TMEM117: variants seen among roughly 807,000 people sequenced by gnomAD.
TMEM117 encodes the protein transmembrane protein 117.
A neutral mutation model predicts 52.4 loss-of-function variants in TMEM117; 27 were observed. The ratio of observed to expected loss-of-function variants is 0.51; its 90% CI spans 0.38 to 0.71. TMEM117 has a LOEUF of 0.71. TMEM117 is among the 30% of genes least tolerant of loss of function. The probability of loss-of-function intolerance (pLI) is 0.00; values close to 1 mark genes in which losing one functional copy is unlikely to be tolerated. For missense variants in TMEM117, 556 were observed against 630.5 expected, an observed-to-expected ratio of 0.88 and a Z score of 1.26; for synonymous variants, 215 against 206.3, an observed-to-expected ratio of 1.04 and a Z score of -0.36.
intron 3 of TMEM117, among the ~76,000 whole-genome samples, chr12:43,952,668 T>C (rs1420850480): frequency 1.3e-5 from 2 of 152,124 alleles, no homozygotes; most frequent in Admixed American, 1.3e-4. Context: ...TTACAACTGA[T>C]TGAAGTACCT....
chr12:44,042,680 C>T (rs891978239), intron 3 of TMEM117, among the ~76,000 whole-genome samples: 3 of 151,854 alleles, frequency 2.0e-5, no homozygotes, highest in Non-Finnish European at 4.4e-5. Context: ...TTTTGGGACT[C>T]GGACTGGCTC....
At chr12:43,870,982 AC>A (rs1432402461) in intron 2 of TMEM117, among the ~76,000 whole-genome samples, 2 of 151,604 alleles carry the variant, frequency 1.3e-5, no homozygotes, top group African/African-American at 2.4e-5. Context: ...ACAGGGTTTC[AC>A]CATGTTGGCC....
chr12:44,362,780 G>A (rs1377356280), intron 6 of TMEM117, among the ~76,000 whole-genome samples: 1 of 151,790 alleles, frequency 6.6e-6, no homozygotes, highest in Non-Finnish European at 1.5e-5. Flanking sequence ...ACAACTGTGG[G>A]CAAACATCTC....
intron 2 of TMEM117, among the ~76,000 whole-genome samples, chr12:43,902,632 G>A (rs1430478259): frequency 6.6e-6 from 1 of 151,992 alleles, no homozygotes; most frequent in African/African-American, 2.4e-5. Flanking sequence ...GACAGACCAT[G>A]GTAGTATCAC....
chr12:44,152,594 A>G (rs1315691081), intron 4 of TMEM117, among the ~76,000 whole-genome samples: 4 of 123,032 alleles, frequency 3.3e-5, no homozygotes, highest in African/African-American at 9.9e-5. Flanking sequence ...TAATATTTAT[A>G]TCATATATAA....
At chr12:44,043,828 A>C (rs1397364973) in intron 3 of TMEM117, among the ~76,000 whole-genome samples, 1 of 152,122 alleles carries the variant, frequency 6.6e-6, no homozygotes, top group African/African-American at 2.4e-5. Flanking sequence ...CAGGCATGGG[A>C]ATGGATATTA....
intron 4 of TMEM117, among the ~76,000 whole-genome samples, chr12:44,170,709 G>A (rs996394556): frequency 1.3e-5 from 2 of 152,096 alleles, no homozygotes; most frequent in Non-Finnish European, 2.9e-5. Flanking sequence ...ATAGATCAAT[G>A]TTCTCTTTTC....
chr12:43,845,705 A>G (rs1350757798), intron 2 of TMEM117, among the ~76,000 whole-genome samples: 2 of 142,396 alleles, frequency 1.4e-5, no homozygotes, highest in East Asian at 4.4e-4. Context: ...CCCCAACCCC[A>G]TGACAGGGCC....
chr12:43,804,154 AT>A, the TMEM117 span: 23,927 of 314,002 alleles, frequency 0.076, no homozygotes, highest in South Asian at 0.13. Flanking sequence ...ACAAGTAACT[AT>A]TTTTTTTTTT....
chr12:43,940,835 C>A (rs1486440035), intron 2 of TMEM117, among the ~76,000 whole-genome samples: 1 of 152,202 alleles, frequency 6.6e-6, no homozygotes, highest in African/African-American at 2.4e-5. Flanking sequence ...TGAGCCACTG[C>A]ACCTGGCCCA....
At chr12:44,008,600 G>T in intron 3 of TMEM117, 1 of 198,206 alleles carries the variant, frequency 5.0e-6, no homozygotes. Flanking sequence ...CTTCTAAGGT[G>T]AAGCTCTATG....
intron 3 of TMEM117, among the ~76,000 whole-genome samples, chr12:44,039,733 T>G (rs1270966105): frequency 6.6e-6 from 1 of 152,074 alleles, no homozygotes; most frequent in East Asian, 1.9e-4. Context: ...GCTTTTTCCT[T>G]CTCAATGAAA....
chr12:43,942,176 C>G (rs1945054222), intron 2 of TMEM117, among the ~76,000 whole-genome samples: 1 of 152,172 alleles, frequency 6.6e-6, no homozygotes, highest in Non-Finnish European at 1.5e-5. Context: ...CCATTAAATA[C>G]TCAGATGATA....
At chr12:44,082,178 T>C (rs1947491800) in intron 3 of TMEM117, among the ~76,000 whole-genome samples, 1 of 152,058 alleles carries the variant, frequency 6.6e-6, no homozygotes, top group South Asian at 2.1e-4. Flanking sequence ...AAAATCAAAA[T>C]TGTACCCATG....
At chr12:44,103,272 C>A (rs1947895098) in intron 3 of TMEM117, among the ~76,000 whole-genome samples, 1 of 149,984 alleles carries the variant, frequency 6.7e-6, no homozygotes, top group Non-Finnish European at 1.5e-5. Flanking sequence ...TTATGGACAA[C>A]ATATTTTTGC....
intron 3 of TMEM117, among the ~76,000 whole-genome samples, chr12:44,022,559 C>T (rs1946471779): frequency 6.6e-6 from 1 of 152,006 alleles, no homozygotes; most frequent in Non-Finnish European, 1.5e-5. Context: ...AAATGAAGTA[C>T]AAGTGTCATC....
intron 5 of TMEM117, among the ~76,000 whole-genome samples, chr12:44,258,696 A>C (rs1950288007): frequency 6.6e-6 from 1 of 152,170 alleles, no homozygotes; most frequent in South Asian, 2.1e-4. Flanking sequence ...GGTTTCTTTT[A>C]AGTCATCTCA....
chr12:44,104,786 T>G (rs1428903880), intron 3 of TMEM117, among the ~76,000 whole-genome samples: 7 of 152,004 alleles, frequency 4.6e-5, no homozygotes, highest in Non-Finnish European at 8.8e-5. Context: ...TCTCAATGCT[T>G]TTAACATTTC....
intron 6 of TMEM117, among the ~76,000 whole-genome samples, chr12:44,342,301 G>A (rs1951428245): frequency 6.6e-6 from 1 of 152,074 alleles, no homozygotes; most frequent in African/African-American, 2.4e-5. Context: ...GAAAATCTAG[G>A]GAATCTGCCC....
Sources: allele counts gnomAD v4.1 joint callset (sites outside exome capture counted in the v4.1 genomes callset), GRCh38; gene constraint gnomAD v4.1.1; transcripts MANE v1.5; gene names NCBI Gene and HGNC (gene_info 2026-07-23, HGNC 2026-07-21).